DDX10: variants seen among roughly 807,000 people sequenced by gnomAD.
DDX10 encodes the protein DEAD-box helicase 10.
In DDX10, 74 loss-of-function variants were observed where a neutral mutation model predicts 104.3. The ratio of observed to expected loss-of-function variants is 0.71; its 90% confidence interval spans 0.59 to 0.86. The LOEUF (loss-of-function observed/expected upper bound fraction) is 0.86. Among genes scored for constraint, DDX10 ranks in the 40% least tolerant of loss-of-function variants. The probability of loss-of-function intolerance (pLI) is 0.00; values close to 1 mark genes in which losing one functional copy is unlikely to be tolerated. For synonymous variants in DDX10, 351 were observed against 353.4 expected, an observed-to-expected ratio of 0.99 and a Z score of 0.08; for missense variants, 952 against 1,040.0, an observed-to-expected ratio of 0.92 and a Z score of 1.16.
chr11:108,817,978 C>T (rs1177271826), intron 13 of DDX10, among the ~76,000 whole-genome samples: 2 of 152,176 alleles, frequency 1.3e-5, no homozygotes, highest in Non-Finnish European at 2.9e-5. Flanking sequence ...CAACAACTGT[C>T]CTGTGAAACG....
At chr11:108,939,283 T>A (rs1864074253) in intron 17 of DDX10, among the ~76,000 whole-genome samples, 3 of 152,190 alleles carry the variant, frequency 2.0e-5, no homozygotes, top group Non-Finnish European at 4.4e-5. Flanking sequence ...TGGGGCTGGA[T>A]TCAGTATCAT....
At chr11:108,803,329 C>T (rs1219745070) in intron 13 of DDX10, among the ~76,000 whole-genome samples, 1 of 151,194 alleles carries the variant, frequency 6.6e-6, no homozygotes, top group Non-Finnish European at 1.5e-5. Flanking sequence ...CACGGCGGCT[C>T]ACGCCTGTAA....
chr11:108,699,835 G>A (rs1407715053), intron 9 of DDX10, among the ~76,000 whole-genome samples: 7 of 152,204 alleles, frequency 4.6e-5, no homozygotes, highest in African/African-American at 9.6e-5. Context: ...GAAGAGGTGT[G>A]GGATCTCCAC....
chr11:108,673,558 T>C, intron 2 of DDX10, 31 bp downstream of exon 2: 3 of 1,475,014 alleles, frequency 2.0e-6, no homozygotes, highest in Middle Eastern at 1.7e-4. Flanking sequence ...GGATGTGTTA[T>C]TGGATTTCTT....
At chr11:108,859,476 T>A (rs530868114) in intron 16 of DDX10, among the ~76,000 whole-genome samples, 1 of 152,100 alleles carries the variant, frequency 6.6e-6, no homozygotes, top group East Asian at 1.9e-4. Context: ...TGTGTACATA[T>A]CCCTTTGTTT....
intron 16 of DDX10, among the ~76,000 whole-genome samples, chr11:108,907,345 T>TTTC (rs1555039727): frequency 6.7e-6 from 1 of 149,032 alleles, no homozygotes; most frequent in East Asian, 2.0e-4. Flanking sequence ...TTTTTTTTTT[T>TTTC]CCTTTTTTGA....
At chr11:108,823,458 C>T (rs1862353027) in intron 13 of DDX10, among the ~76,000 whole-genome samples, 1 of 152,146 alleles carries the variant, frequency 6.6e-6, no homozygotes, top group African/African-American at 2.4e-5. Flanking sequence ...TAACAGTGAT[C>T]TCCTCTTGGG....
In DDX10 at chr11:108,778,291, C is replaced by G. The variant is rs549471968; in HGVS notation, c.1965+54829C>G. On this transcript the variant is annotated intron_variant, in intron 13 of 17. Transcript: ENST00000322536. ...AGGCATCACGCTACCTGACTTCAAA[C>G]TATACTACAAGGCTACAGTAACCAA... 5.3e-4 allele frequency among the ~76,000 whole-genome samples: 80 copies of G among 152,312 alleles called. No individual in the cohort carries two copies. The East Asian group carries it at 9.6e-3, about 18-fold the overall frequency.
chr11:108,892,278 C>G (rs1183408554), intron 16 of DDX10, among the ~76,000 whole-genome samples: 1 of 152,106 alleles, frequency 6.6e-6, no homozygotes, highest in East Asian at 1.9e-4. Flanking sequence ...GCACCTCCCT[C>G]CCTCTTTCTC....
rs764471329 is a variant in DDX10 at position 108,679,418 on chromosome 11, A to G, written c.706A>G (p.Met236Val). The G allele has an allele frequency of 3.7e-6, 6 of 1,610,904 alleles. No homozygotes were observed. The South Asian group carries it at 5.5e-5, about 15-fold the overall frequency. The change falls in exon 6 of 18, where the codon ATG becomes GTG. Residue 236 changes from methionine to valine, a missense_variant. Transcript: ENST00000322536. ...CTTGGATATGGGCTTTGCTGATACC[A>G]TGAATGCTGTTATTGAAAATCTCCC... ...RILDMGFADT[M>V]NAVIENLPKK...
chr11:108,915,043 G>A (rs1863728810), intron 16 of DDX10, among the ~76,000 whole-genome samples: 1 of 152,122 alleles, frequency 6.6e-6, no homozygotes, highest in African/African-American at 2.4e-5. Context: ...AAGTAGTCCA[G>A]TATACATGTG....
chr11:108,749,464 T>G (rs1304135536), intron 13 of DDX10, among the ~76,000 whole-genome samples: 1 of 152,190 alleles, frequency 6.6e-6, no homozygotes, highest in Non-Finnish European at 1.5e-5. Flanking sequence ...CTTTTGATAC[T>G]TAAAGGTCAA....
intron 13 of DDX10, among the ~76,000 whole-genome samples, chr11:108,779,425 A>C (rs902666560): frequency 6.6e-6 from 1 of 152,144 alleles, no homozygotes; most frequent in Non-Finnish European, 1.5e-5. Context: ...TTCTGAGCAG[A>C]TATCACGAGG....
chr11:108,918,799 A>G (rs563403909), intron 17 of DDX10: 3 of 152,240 alleles, frequency 2.0e-5, no homozygotes, highest in Admixed American at 6.5e-5. Context: ...TTTTCAGAGT[A>G]CTATGTATTA....
intron 13 of DDX10, among the ~76,000 whole-genome samples, chr11:108,730,362 A>G (rs2134483899): frequency 6.6e-6 from 1 of 152,284 alleles, no homozygotes; most frequent in Admixed American, 6.5e-5. Flanking sequence ...CTCCCCTAAC[A>G]CACATCTCAG....
In DDX10 at chr11:108,777,919, A is replaced by G. The variant is rs189822473; in HGVS notation, c.1965+54457A>G. 3.0e-4 allele frequency among the ~76,000 whole-genome samples: 45 copies of G among 152,324 alleles called. No homozygotes were observed. In the East Asian group the frequency reaches 8.3e-3, roughly 28 times the overall value. On this transcript the variant is annotated intron_variant, in intron 13 of 17. Coordinates refer to ENST00000322536, the MANE Select transcript of DDX10 (RefSeq NM_004398.4). ...CCAATAACAGACAAACAGAGAGCCA[A>G]ATCATGAGTGAACTCCCATTCATAA...
intron 6 of DDX10, among the ~76,000 whole-genome samples, chr11:108,684,149 T>TC (rs1037497441): frequency 7.1e-6 from 1 of 139,952 alleles, no homozygotes; most frequent in Non-Finnish European, 1.5e-5. Flanking sequence ...TTCTTTTTTT[T>TC]TTTTTTTTTT....
intron 10 of DDX10, among the ~76,000 whole-genome samples, chr11:108,710,813 T>G (rs1016544308): frequency 6.6e-6 from 1 of 152,256 alleles, no homozygotes; most frequent in African/African-American, 2.4e-5. Context: ...TATAGTGTTA[T>G]GATGGCTGCG....
At chr11:108,759,490 C>T (rs1206802174) in intron 13 of DDX10, among the ~76,000 whole-genome samples, 1 of 151,864 alleles carries the variant, frequency 6.6e-6, no homozygotes, top group East Asian at 1.9e-4. Context: ...TTTCAATACT[C>T]CACTGAACTC....
Sources: allele counts gnomAD v4.1 joint callset (sites outside exome capture counted in the v4.1 genomes callset), GRCh38; gene constraint gnomAD v4.1.1; transcripts MANE v1.5; gene names NCBI Gene and HGNC (gene_info 2026-07-23, HGNC 2026-07-21).